Variants in PRR5 observed in about 807,000 individuals in gnomAD.
PRR5 encodes proline rich 5.
In PRR5, 25 loss-of-function variants were observed where a neutral mutation model predicts 30.6. The observed-to-expected ratio is 0.82, with a 90% confidence interval of 0.60 to 1.14. PRR5 has a LOEUF of 1.14. Among genes scored for constraint, PRR5 ranks in the 50% most tolerant of loss-of-function variants. The pLI is 0.00. For synonymous variants in PRR5, 286 were observed against 247.1 expected (o/e 1.16, Z -1.48); for missense variants, 600 against 547.1 (o/e 1.10, Z -0.96).
chr22:44,715,638 G>A (rs1056526567), intron 2 of PRR5, among the ~76,000 whole-genome samples: 5 of 152,126 alleles, frequency 3.3e-5, no homozygotes, highest in African/African-American at 1.2e-4. Context: ...GGATCTGCCA[G>A]GGGGCGGGGT....
intron 1 of PRR5, among the ~76,000 whole-genome samples, chr22:44,670,925 A>G (rs1339411930): frequency 6.6e-6 from 1 of 152,202 alleles, no homozygotes; most frequent in Non-Finnish European, 1.5e-5. Context: ...GTCTTCTGGG[A>G]CATGTGTGAG....
At chr22:44,674,549 C>T (rs1923608828), upstream of PRR5, among the ~76,000 whole-genome samples, 1 of 151,666 alleles carries the variant, frequency 6.6e-6, no homozygotes, top group South Asian at 2.1e-4. Flanking sequence ...GGTGAAACCC[C>T]GTCTCCACTA....
intron 1 of PRR5, among the ~76,000 whole-genome samples, chr22:44,709,367 A>T (rs1927785054): frequency 6.6e-6 from 1 of 152,140 alleles, no homozygotes; most frequent in African/African-American, 2.4e-5. Flanking sequence ...AGGGACAGAG[A>T]TGCAGTGACG....
rs78930998 is a variant in PRR5, at chr22:44,730,755, A to C, written c.323-975A>C. 3.5e-3 allele frequency: 3,021 copies of C among 854,206 alleles called. 75 individuals are homozygous for C. In the African/African-American group the frequency reaches 0.051, roughly 14 times the overall value. 52.9% of individuals were successfully genotyped at this position (854,206 alleles called of 1,614,324 possible). A position where few individuals can be genotyped will look rare whatever the true frequency, so the allele number is the denominator to read the frequency against. ...TCCTTCGACGTGGTGCTGCTATTGGAAGGGGTCTCCGTGGATCCCCAGACC... is the reference window on the plus strand; with the variant it reads ...TCCTTCGACGTGGTGCTGCTATTGGCAGGGGTCTCCGTGGATCCCCAGACC... On this transcript the variant is annotated intron_variant, in intron 4 of 7. Transcript: ENST00000336985.
chr22:44,701,554 C>G (rs990214533), upstream of PRR5, among the ~76,000 whole-genome samples: 3 of 152,360 alleles, frequency 2.0e-5, no homozygotes, highest in Non-Finnish European at 2.9e-5. Context: ...CACTCTGCCC[C>G]CACCACAGGG....
At chr22:44,704,819 C>T (rs1354921199) in intron 1 of PRR5, among the ~76,000 whole-genome samples, 3 of 152,084 alleles carry the variant, frequency 2.0e-5, no homozygotes, top group Non-Finnish European at 4.4e-5. Context: ...CCCCAGCTCT[C>T]CTCCCCAGCA....
At chr22:44,692,842 G>A (rs143032609) in intron 1 of PRR5, among the ~76,000 whole-genome samples, 15 of 152,234 alleles carry the variant, frequency 9.9e-5, no homozygotes, top group African/African-American at 3.1e-4. Context: ...CTGCAAACAC[G>A]AAGGTTCGGA....
At chr22:44,689,152 C>A (rs1402415598) in intron 1 of PRR5, among the ~76,000 whole-genome samples, 1 of 152,010 alleles carries the variant, frequency 6.6e-6, no homozygotes, top group East Asian at 1.9e-4. Flanking sequence ...CTCTAAATTG[C>A]CCAGCTTCTT....
chr22:44,702,514 A>G lies in PRR5; in HGVS notation c.40A>G (p.Ser14Gly), dbSNP rs1926486618. ...LRRLKFMSSP[S>G]LSDLGKREPA... The stretch of plus-strand genomic sequence containing the variant: ...CAGGTTGAAGTTCATGAGTTCGCCC[A>G]GCCTCAGTGACCTGGGCAAGAGAGA... The change falls in exon 1 of 8, where the codon AGC (serine) becomes GGC (glycine). Residue 14 changes from serine to glycine, a missense_variant. Physicochemically the swap from Ser to Gly is moderately conservative, Grantham distance 56 (BLOSUM62 0). Transcript: ENST00000336985. 1 of 1,470,890 alleles carries G rather than the reference A, an allele frequency of 6.8e-7. No individual in the cohort carries two copies. The highest frequency in any genetic ancestry group is 9.0e-7 in the Non-Finnish European group (1 of 1,109,316). The allele number at this position is 1,470,890 out of a possible 1,614,324, so 91.1% of individuals were successfully genotyped here.
chr22:44,737,274 A>G lies in PRR5; in HGVS notation c.*27A>G. 1 of 1,574,332 alleles carries G rather than the reference A, an allele frequency of 6.4e-7. No homozygotes were observed. Among genetic ancestry groups the G allele is most frequent in the Non-Finnish European group, 8.6e-7 (1 of 1,156,156 alleles). ...GCCTCACAGCTGGCCTTGAGTTTTTACTGACACGTCCCTGTGTGCGGGGGT... is the reference window on the plus strand; with the variant it reads ...GCCTCACAGCTGGCCTTGAGTTTTTGCTGACACGTCCCTGTGTGCGGGGGT... On this transcript the variant is annotated 3_prime_UTR_variant, in exon 8 of 8. Coordinates refer to ENST00000336985, the MANE Select transcript of PRR5 (RefSeq NM_181333.4).
intron 4 of PRR5, chr22:44,729,707 G>A (rs925425091): frequency 3.3e-5 from 33 of 985,376 alleles, no homozygotes; most frequent in Admixed American, 6.1e-5. Flanking sequence ...CCCAACAGCC[G>A]CGAGGCTGCC....
At chr22:44,712,795 G>A (rs1004655036) in intron 1 of PRR5, among the ~76,000 whole-genome samples, 1 of 152,194 alleles carries the variant, frequency 6.6e-6, no homozygotes, top group Non-Finnish European at 1.5e-5. Flanking sequence ...TAGGTCCTGG[G>A]TGGGCGGTGG....
At chr22:44,670,112 TGTTAACATCGGATGA>T (rs1923338530) in intron 1 of PRR5, among the ~76,000 whole-genome samples, 1 of 152,158 alleles carries the variant, frequency 6.6e-6, no homozygotes, top group Non-Finnish European at 1.5e-5. Flanking sequence ...CACCGCTTGG[TGTTAACATCGGATGA>T]GGGGGACAAA....
intron 2 of PRR5, 27 bp from the exon 3 acceptor site, chr22:44,725,213 GACTC>G: frequency 1.9e-6 from 3 of 1,613,404 alleles, no homozygotes; most frequent in Non-Finnish European, 2.5e-6. Context: ...TGTGGTCTGG[GACTC>G]ACTCTTGTCT....
chr22:44,702,745 C>G lies in PRR5; in HGVS notation c.134+137C>G, dbSNP rs199965695. ...GCGGCGCTTCACAGTTTGCAAAGAA[C>G]TTGCCCCGCCGGAGTGGTGCGGGCC... On this transcript the variant is annotated intron_variant, in intron 1 of 7. Coordinates refer to ENST00000336985, the MANE Select transcript of PRR5 (RefSeq NM_181333.4). 565 of 1,191,330 alleles carry G rather than the reference C, an allele frequency of 4.7e-4. 7 individuals carry two copies. In the East Asian group the frequency reaches 0.019, roughly 39 times the overall value. 73.8% of individuals were successfully genotyped at this position (1,191,330 alleles called of 1,614,324 possible).
intron 1 of PRR5, among the ~76,000 whole-genome samples, chr22:44,681,215 C>T (rs1406462381): frequency 6.6e-6 from 1 of 152,214 alleles, no homozygotes; most frequent in Non-Finnish European, 1.5e-5. Context: ...AGGATGATGG[C>T]TGTTCACCCG....
chr22:44,735,637 T>A (rs743891), intron 7 of PRR5, among the ~76,000 whole-genome samples: 7,210 of 152,142 alleles, frequency 0.047, 241 homozygotes, highest in Admixed American at 0.082. Context: ...GCCTCTGGGT[T>A]CCTTCAGCAA....
At position 44,702,383 on chromosome 22, in the gene PRR5, G is replaced by C; in HGVS notation, c.-92G>C. On this transcript the variant is annotated 5_prime_UTR_variant, in exon 1 of 8. Transcript: ENST00000336985. ...GCTCTCGCCGGAGTTTCCGCGTAGA[G>C]GGCGCATCGCCGGCCCGGGGCCCTT... is the stretch of plus-strand genomic sequence containing the variant. 8.3e-7 allele frequency: 1 copy of C among 1,205,060 alleles called. No individual in the cohort carries two copies. The highest frequency in any genetic ancestry group is 1.0e-6 in the Non-Finnish European group (1 of 968,692). 74.6% of individuals were successfully genotyped at this position (1,205,060 alleles called of 1,614,324 possible). A position where few individuals can be genotyped will look rare whatever the true frequency, so the allele number is the denominator to read the frequency against.
At chr22:44,671,927 A>G (rs1450347345) in intron 1 of PRR5, among the ~76,000 whole-genome samples, 1 of 152,232 alleles carries the variant, frequency 6.6e-6, no homozygotes, top group Non-Finnish European at 1.5e-5. Flanking sequence ...AGTTGTGTAA[A>G]GTAGTGATGT....
Sources: allele counts gnomAD v4.1 joint callset (sites outside exome capture counted in the v4.1 genomes callset), GRCh38; gene constraint gnomAD v4.1.1; transcripts MANE v1.5; gene names NCBI Gene and HGNC (gene_info 2026-07-23, HGNC 2026-07-21).